BMAL2: variants seen among roughly 807,000 people sequenced by gnomAD.
The protein encoded by BMAL2 is basic helix-loop-helix ARNT-like protein 2.
chr12:27,370,304 T>C, the BMAL2 span: 1 of 1,099,818 alleles, frequency 9.1e-7, no homozygotes, highest in Non-Finnish European at 1.4e-6. Context: ...GAAAACATGA[T>C]ACACGTCCCA....
the BMAL2 span, among the ~76,000 whole-genome samples, chr12:27,367,634 T>C: frequency 2.6e-5 from 4 of 152,270 alleles, no homozygotes; most frequent in East Asian, 7.7e-4. Context: ...CAAATTTCTT[T>C]TACAATATAG....
the BMAL2 span, chr12:27,401,311 T>A: frequency 6.2e-7 from 1 of 1,614,168 alleles, no homozygotes; most frequent in Non-Finnish European, 8.5e-7. Context: ...CTTCTTGTTA[T>A]GAATATTTTC....
the BMAL2 span, chr12:27,400,583 G>A: frequency 6.2e-7 from 1 of 1,613,728 alleles, no homozygotes; most frequent in East Asian, 2.2e-5. Flanking sequence ...TGAGAAGCTG[G>A]CCTCCAAATA....
At chr12:27,423,756 ACT>A in the BMAL2 span, 1 of 151,664 alleles carries the variant, frequency 6.6e-6, no homozygotes, top group Admixed American at 6.6e-5. Flanking sequence ...AGCCATTTAA[ACT>A]CTGTGCCTCA....
chr12:27,418,361 G>A, the BMAL2 span, among the ~76,000 whole-genome samples: 1 of 152,096 alleles, frequency 6.6e-6, no homozygotes, highest in Non-Finnish European at 1.5e-5. Context: ...AGCACTTTGG[G>A]AGGCCAAGGC....
At chr12:27,365,314 C>T in the BMAL2 span, among the ~76,000 whole-genome samples, 5 of 152,008 alleles carry the variant, frequency 3.3e-5, no homozygotes, top group Admixed American at 2.6e-4. Flanking sequence ...ACTCCTGCAT[C>T]CCTAGGATGA....
At chr12:27,401,310 AT>A in the BMAL2 span, 1 of 1,614,184 alleles carries the variant, frequency 6.2e-7, no homozygotes, top group Non-Finnish European at 8.5e-7. Context: ...ACTTCTTGTT[AT>A]GAATATTTTC....
chr12:27,362,393 C>G, the BMAL2 span, among the ~76,000 whole-genome samples: 7 of 152,260 alleles, frequency 4.6e-5, no homozygotes, highest in South Asian at 1.5e-3. Flanking sequence ...TCCAAAGTGC[C>G]TCACGATCAC....
At chr12:27,420,292 G>T in the BMAL2 span, 4 of 1,463,612 alleles carry the variant, frequency 2.7e-6, no homozygotes, top group African/African-American at 5.7e-5. Context: ...TTCTAGCCTT[G>T]CTTTGCCATT....
chr12:27,380,356 A>G, the BMAL2 span: 1 of 1,614,196 alleles, frequency 6.2e-7, no homozygotes, highest in East Asian at 2.2e-5. Context: ...TAAACTGGAC[A>G]AACTTACAGT....
chr12:27,394,582 G>T, the BMAL2 span: 2 of 152,104 alleles, frequency 1.3e-5, no homozygotes, highest in Non-Finnish European at 2.9e-5. Context: ...GAACGATTAT[G>T]AATTAAATGA....
chr12:27,400,739 T>G, the BMAL2 span: 3 of 1,612,062 alleles, frequency 1.9e-6, no homozygotes, highest in South Asian at 3.3e-5. Flanking sequence ...TAACCCGGTT[T>G]GCAGTGAATG....
chr12:27,354,703 C>T, the BMAL2 span, among the ~76,000 whole-genome samples: 2 of 152,230 alleles, frequency 1.3e-5, no homozygotes, highest in Admixed American at 6.5e-5. Flanking sequence ...TCCATATTTA[C>T]GCTTGGTATC....
chr12:27,356,501 C>A, the BMAL2 span, among the ~76,000 whole-genome samples: 2 of 152,134 alleles, frequency 1.3e-5, no homozygotes, highest in African/African-American at 4.8e-5. Context: ...CTTGCTATCC[C>A]CCAATAGTCC....
chr12:27,358,923 G>A, the BMAL2 span, among the ~76,000 whole-genome samples: 3 of 151,798 alleles, frequency 2.0e-5, no homozygotes, highest in Non-Finnish European at 2.9e-5. Flanking sequence ...TCTATACATG[G>A]CATTGTTCTT....
the BMAL2 span, among the ~76,000 whole-genome samples, chr12:27,409,809 C>G: frequency 1.3e-5 from 2 of 152,074 alleles, no homozygotes; most frequent in African/African-American, 4.8e-5. Context: ...GAACAGGCAA[C>G]CTACAGAATG....
At chr12:27,415,904 C>T in the BMAL2 span, 3 of 1,607,382 alleles carry the variant, frequency 1.9e-6, no homozygotes, top group South Asian at 3.3e-5. Context: ...GATTCGAGTC[C>T]AACAGGTTTA....
the BMAL2 span, chr12:27,415,913 T>C: frequency 1.2e-6 from 2 of 1,607,352 alleles, no homozygotes; most frequent in South Asian, 2.2e-5. Context: ...CCAACAGGTT[T>C]AATGAAAGAT....
chr12:27,352,852 C>T, the BMAL2 span, among the ~76,000 whole-genome samples: 2 of 152,122 alleles, frequency 1.3e-5, no homozygotes, highest in African/African-American at 4.8e-5. Flanking sequence ...AAAATAATAC[C>T]TAGGAATACA....
Sources: allele counts gnomAD v4.1 joint callset (sites outside exome capture counted in the v4.1 genomes callset), GRCh38; gene constraint gnomAD v4.1.1; transcripts MANE v1.5; gene names NCBI Gene and HGNC (gene_info 2026-07-23, HGNC 2026-07-21).